Variants in AKR1C3 observed in about 807,000 individuals in gnomAD.
AKR1C3 encodes the protein 3-alpha hydroxysteroid dehydrogenase, type II.
In AKR1C3, 48 loss-of-function variants were observed where a neutral mutation model predicts 43.6. The observed-to-expected ratio is 1.10, with a 90% CI of 0.87 to 1.40. AKR1C3 has a LOEUF of 1.40. Among genes scored for constraint, AKR1C3 ranks in the 40% most tolerant of loss-of-function variants. The pLI is 0.00. For missense variants in AKR1C3, 482 were observed against 391.2 expected (o/e 1.23, Z -1.96); for synonymous variants, 162 against 139.6 (o/e 1.16, Z -1.13).
intron 1 of AKR1C3, among the ~76,000 whole-genome samples, chr10:5,083,083 T>C (rs75401060): frequency 6.9e-5 from 3 of 43,436 alleles, no homozygotes; most frequent in African/African-American, 9.9e-5. Context: ...TATTTTTTTT[T>C]ATTATTATAC....
At chr10:5,069,246 C>T (rs1248443550) in intron 1 of AKR1C3, among the ~76,000 whole-genome samples, 1 of 152,084 alleles carries the variant, frequency 6.6e-6, no homozygotes, top group Non-Finnish European at 1.5e-5. Flanking sequence ...GTTCTTTCTC[C>T]CTGAGTGGCC....
chr10:5,063,765 C>CAAAAA (rs71391987), intron 1 of AKR1C3, among the ~76,000 whole-genome samples: 1,167 of 46,078 alleles, frequency 0.025, 114 homozygotes, highest in Non-Finnish European at 0.03. Flanking sequence ...TCTGTCTCAG[C>CAAAAA]AAAAAAAAAA....
chr10:5,056,650 T>C (rs992027278), intron 1 of AKR1C3, among the ~76,000 whole-genome samples: 1 of 152,210 alleles, frequency 6.6e-6, no homozygotes, highest in South Asian at 2.1e-4. Flanking sequence ...TTTTCGCCCT[T>C]CCAAATTGTC....
intron 1 of AKR1C3, among the ~76,000 whole-genome samples, chr10:5,055,833 C>T (rs189124414): frequency 1.3e-5 from 2 of 152,278 alleles, no homozygotes; most frequent in East Asian, 3.9e-4. Flanking sequence ...TATAGAAGGG[C>T]CTGGCTATCT....
chr10:5,064,820 C>A (rs1554780626), intron 1 of AKR1C3, among the ~76,000 whole-genome samples: 1 of 150,270 alleles, frequency 6.7e-6, no homozygotes, highest in Non-Finnish European at 1.5e-5. Flanking sequence ...ATCAAAACCA[C>A]AATGAGATAC....
intron 1 of AKR1C3, among the ~76,000 whole-genome samples, chr10:5,084,316 C>G (rs1445107555): frequency 6.6e-6 from 1 of 151,728 alleles, no homozygotes; most frequent in East Asian, 1.9e-4. Context: ...TTTCCCAGCA[C>G]CATTTATTAA....
upstream of AKR1C3, among the ~76,000 whole-genome samples, chr10:5,093,103 T>G (rs1839131736): frequency 6.6e-6 from 1 of 152,030 alleles, no homozygotes; most frequent in South Asian, 2.1e-4. Flanking sequence ...AGCTTACTAT[T>G]TCAAAAATTC....
At chr10:5,076,267 T>C (rs1459956897) in intron 1 of AKR1C3, among the ~76,000 whole-genome samples, 1 of 152,150 alleles carries the variant, frequency 6.6e-6, no homozygotes, top group Non-Finnish European at 1.5e-5. Context: ...CTCAATGCAA[T>C]AGTGTTGAGA....
chr10:5,063,872 C>T (rs559497979), intron 1 of AKR1C3, among the ~76,000 whole-genome samples: 1 of 149,592 alleles, frequency 6.7e-6, no homozygotes, highest in South Asian at 2.1e-4. Context: ...CTGAGAAAGG[C>T]TCTGTGAGGC....
intron 5 of AKR1C3, 32 bp downstream of exon 5, chr10:5,099,481 T>C: frequency 6.2e-7 from 1 of 1,614,004 alleles, no homozygotes. Context: ...TCCTTTCGGT[T>C]CTTCATGCCC....
chr10:5,071,898 C>A (rs2131804785), intron 1 of AKR1C3, among the ~76,000 whole-genome samples: 1 of 152,272 alleles, frequency 6.6e-6, no homozygotes, highest in South Asian at 2.1e-4. Context: ...CCTCATTTTC[C>A]CTTTAAAATG....
chr10:5,066,580 T>G lies in AKR1C3; in HGVS notation c.84+17685T>G, dbSNP rs367543317. On this transcript the variant is annotated intron_variant, in intron 1 of 8. Transcript: ENST00000439082. ...TATAGCGCAGCAACGAGACTATTATTATGACTATTGGGAGCATAATACCTA... is the reference window on the plus strand; with the variant it reads ...TATAGCGCAGCAACGAGACTATTATGATGACTATTGGGAGCATAATACCTA... Among the ~76,000 whole-genome samples, 107 of 152,316 alleles carry G rather than the reference T, an allele frequency of 7.0e-4. 5 individuals carry two copies. In the South Asian group the frequency reaches 0.022, roughly 31 times the overall value.
intron 1 of AKR1C3, among the ~76,000 whole-genome samples, chr10:5,053,131 C>T (rs545423514): frequency 2.6e-4 from 39 of 152,382 alleles, no homozygotes; most frequent in Admixed American, 1.6e-3. Context: ...CTGCCAGTCC[C>T]GTGCCATGCG....
At chr10:5,106,902 TTCAAG>T in intron 8 of AKR1C3, among the ~76,000 whole-genome samples, 1 of 93,908 alleles carries the variant, frequency 1.1e-5, no homozygotes, top group South Asian at 2.8e-4. Flanking sequence ...TTTTTTTAGT[TTCAAG>T]GAAAATAAAT....
intron 1 of AKR1C3, among the ~76,000 whole-genome samples, chr10:5,073,997 C>T (rs1402882432): frequency 6.6e-6 from 1 of 151,814 alleles, no homozygotes; most frequent in Non-Finnish European, 1.5e-5. Flanking sequence ...CAAAGTCACC[C>T]GTCTGCTCAC....
At chr10:5,090,477 TAAAA>T (rs1298236768), upstream of AKR1C3, among the ~76,000 whole-genome samples, 4 of 152,012 alleles carry the variant, frequency 2.6e-5, no homozygotes, top group African/African-American at 9.7e-5. Flanking sequence ...AGCCATAAAA[TAAAA>T]AACTACTGTC....
chr10:5,072,216 C>T (rs1838625528), intron 1 of AKR1C3, among the ~76,000 whole-genome samples: 1 of 152,102 alleles, frequency 6.6e-6, no homozygotes, highest in Non-Finnish European at 1.5e-5. Flanking sequence ...TGGCATAAGT[C>T]AAAATAAATG....
intron 7 of AKR1C3, among the ~76,000 whole-genome samples, chr10:5,103,851 G>T (rs1299224121): frequency 6.6e-6 from 1 of 152,118 alleles, no homozygotes; most frequent in Non-Finnish European, 1.5e-5. Flanking sequence ...CAAGCAAGTG[G>T]ATACAGGGAC....
intron 7 of AKR1C3, 106 bp downstream of exon 7, chr10:5,102,756 A>G: frequency 6.6e-7 from 1 of 1,510,286 alleles, no homozygotes; most frequent in South Asian, 1.3e-5. Context: ...ATTTCCCTGT[A>G]TTTCCCATAT....
Sources: allele counts gnomAD v4.1 joint callset (sites outside exome capture counted in the v4.1 genomes callset), GRCh38; gene constraint gnomAD v4.1.1; transcripts MANE v1.5; gene names NCBI Gene and HGNC (gene_info 2026-07-23, HGNC 2026-07-21).